TUSC3: variants seen among roughly 807,000 people sequenced by gnomAD.
TUSC3 encodes tumor suppressor candidate 3.
A neutral mutation model predicts 44.8 loss-of-function variants in TUSC3; 45 were observed. The observed-to-expected ratio is 1.00, with a 90% CI of 0.79 to 1.29. The LOEUF (loss-of-function observed/expected upper bound fraction) is 1.29, where lower values mean the gene tolerates loss of function less well. Ranked by LOEUF, TUSC3 falls within the 50% of genes most tolerant of loss-of-function variation. TUSC3 has a pLI of 0.00. For missense variants in TUSC3, 519 were observed against 437.9 expected (o/e 1.19, Z -1.65); for synonymous variants, 212 against 152.9 (o/e 1.39, Z -2.85).
intron 1 of TUSC3, among the ~76,000 whole-genome samples, chr8:15,479,325 T>A (rs1358713431): frequency 2.0e-5 from 3 of 152,178 alleles, no homozygotes; most frequent in Non-Finnish European, 2.9e-5. Context: ...TTGTTGTAAT[T>A]GCTTTTGATG....
intron 2 of TUSC3, among the ~76,000 whole-genome samples, chr8:15,533,385 C>A (rs1303099764): frequency 6.6e-6 from 1 of 152,212 alleles, no homozygotes; most frequent in Non-Finnish European, 1.5e-5. Context: ...AGGAAGCAAT[C>A]AGATATCCAT....
chr8:15,425,394 T>A (rs752226625), intron 1 of TUSC3, among the ~76,000 whole-genome samples: 3 of 152,196 alleles, frequency 2.0e-5, no homozygotes, highest in Non-Finnish European at 4.4e-5. Context: ...AAAGTGACAT[T>A]TCCTCCTGAA....
At chr8:15,621,029 A>G (rs1805220124) in intron 1 of TUSC3, among the ~76,000 whole-genome samples, 1 of 151,884 alleles carries the variant, frequency 6.6e-6, no homozygotes, top group Admixed American at 6.6e-5. Context: ...TGTAATGAGA[A>G]AAGCATAAAA....
At chr8:15,606,544 A>G (rs1804535041) in intron 1 of TUSC3, among the ~76,000 whole-genome samples, 1 of 152,064 alleles carries the variant, frequency 6.6e-6, no homozygotes, top group African/African-American at 2.4e-5. Flanking sequence ...GTGAATAGGC[A>G]CACACAAATT....
the TUSC3 span, among the ~76,000 whole-genome samples, chr8:15,833,250 C>T: frequency 3.3e-5 from 5 of 152,224 alleles, no homozygotes; most frequent in East Asian, 1.9e-4. Flanking sequence ...AACATTTATA[C>T]GCTGTTGATG....
At chr8:15,695,756 A>G (rs576410233) in intron 6 of TUSC3, among the ~76,000 whole-genome samples, 1 of 152,286 alleles carries the variant, frequency 6.6e-6, no homozygotes, top group African/African-American at 2.4e-5. Context: ...GATGAGGAAC[A>G]TGTTGGAAAC....
At position 15,618,916 on chromosome 8, in the gene TUSC3, C is replaced by A. The variant is rs187864344; in HGVS notation, c.139-4164C>A. On this transcript the variant is annotated intron_variant, in intron 1 of 10. Coordinates refer to ENST00000503731, the MANE Select transcript of TUSC3 (RefSeq NM_006765.4). ...CCCCATTATAATCTTATGGGACCGTCTTTGTGTATGGAGTCTGTTGTTAAG... is the reference window on the plus strand; with the variant it reads ...CCCCATTATAATCTTATGGGACCGTATTTGTGTATGGAGTCTGTTGTTAAG... Among the ~76,000 whole-genome samples, 175 of 152,154 alleles carry A rather than the reference C, an allele frequency of 1.2e-3. 1 individual carries two copies. Among genetic ancestry groups the A allele is most frequent in the African/African-American group, 4.0e-3 (168 of 41,514 alleles).
chr8:15,420,173 C>T (rs939191564), intron 1 of TUSC3, among the ~76,000 whole-genome samples: 4 of 151,996 alleles, frequency 2.6e-5, no homozygotes, highest in African/African-American at 7.2e-5. Flanking sequence ...GGTGACATAT[C>T]ATTGGCTTTT....
intron 2 of TUSC3, among the ~76,000 whole-genome samples, chr8:15,504,615 ATATATAT>A (rs1361044937): frequency 2.6e-4 from 5 of 19,016 alleles, no homozygotes; most frequent in Non-Finnish European, 4.0e-4. Context: ...ATATATATAT[ATATATAT>A]TTTTTTTTTT....
At chr8:15,603,443 A>G (rs1804377171) in intron 1 of TUSC3, among the ~76,000 whole-genome samples, 1 of 151,632 alleles carries the variant, frequency 6.6e-6, no homozygotes. Context: ...GTTTGGCAAT[A>G]TCTTGTAATT....
chr8:15,527,308 C>A (rs1013055441), intron 2 of TUSC3, among the ~76,000 whole-genome samples: 1 of 152,108 alleles, frequency 6.6e-6, no homozygotes, highest in East Asian at 1.9e-4. Context: ...CCTCCGCCTC[C>A]CAGGTTTAAG....
At chr8:15,541,328 T>G (rs1801684136) in intron 1 of TUSC3, among the ~76,000 whole-genome samples, 1 of 152,250 alleles carries the variant, frequency 6.6e-6, no homozygotes. Flanking sequence ...TTATCCATCA[T>G]GGATAGTTGA....
intron 2 of TUSC3, among the ~76,000 whole-genome samples, chr8:15,532,829 G>C (rs770018061): frequency 6.6e-6 from 1 of 152,208 alleles, no homozygotes; most frequent in Non-Finnish European, 1.5e-5. Flanking sequence ...TTTCGCTCTT[G>C]TTGCCCAGGC....
At chr8:15,732,813 C>T (rs1390040800) in intron 7 of TUSC3, among the ~76,000 whole-genome samples, 1 of 152,114 alleles carries the variant, frequency 6.6e-6, no homozygotes, top group Non-Finnish European at 1.5e-5. Flanking sequence ...ACTCATTGAA[C>T]ACCACTGACC....
the TUSC3 span, among the ~76,000 whole-genome samples, chr8:15,779,648 A>G: frequency 6.6e-6 from 1 of 152,190 alleles, no homozygotes; most frequent in African/African-American, 2.4e-5. Flanking sequence ...AAAATGTAAC[A>G]TATGCCTAGC....
chr8:15,737,351 G>C lies in TUSC3; in HGVS notation c.863-6187G>C, dbSNP rs561964814. The stretch of plus-strand genomic sequence containing the variant: ...AACAGTAAACTTAGCATATGCAATT[G>C]AGAAGGGATTATAATGTTTTGTAAA... On this transcript the variant is annotated intron_variant, in intron 7 of 10. Coordinates refer to ENST00000503731, the MANE Select transcript of TUSC3 (RefSeq NM_006765.4). Among the ~76,000 whole-genome samples the C allele has an allele frequency of 2.6e-5, 4 of 152,166 alleles. No homozygotes were observed. The South Asian group carries it at 6.2e-4, about 24-fold the overall frequency.
At chr8:15,851,438 G>A in the TUSC3 span, among the ~76,000 whole-genome samples, 1 of 152,184 alleles carries the variant, frequency 6.6e-6, no homozygotes, top group African/African-American at 2.4e-5. Context: ...TAAAATTACA[G>A]TGAATTATTT....
At chr8:15,595,836 T>G (rs1373933774) in intron 1 of TUSC3, among the ~76,000 whole-genome samples, 2 of 152,212 alleles carry the variant, frequency 1.3e-5, no homozygotes, top group African/African-American at 4.8e-5. Context: ...AGATAATTTT[T>G]TGTCTTACAA....
intron 7 of TUSC3, among the ~76,000 whole-genome samples, chr8:15,731,603 A>G (rs1274758155): frequency 6.6e-6 from 1 of 152,192 alleles, no homozygotes; most frequent in Non-Finnish European, 1.5e-5. Flanking sequence ...CACTTGAGCT[A>G]GAATTAGAAT....
Sources: gnomAD v4.1 joint callset for allele counts (sites outside exome capture counted in the v4.1 genomes callset) on GRCh38, gnomAD v4.1.1 for gene constraint, MANE v1.5 for transcripts, NCBI Gene and HGNC (gene_info 2026-07-23, HGNC 2026-07-21) for gene names.